Variants in PTPN14 observed in about 807,000 individuals in gnomAD.
PTPN14 encodes the protein tyrosine-protein phosphatase non-receptor type 14.
Under a neutral mutation model 126.8 loss-of-function variants are expected in PTPN14, and 53 were observed. The observed-to-expected ratio is 0.42, with a 90% confidence interval of 0.34 to 0.53. The LOEUF is 0.53. Ranked by LOEUF, PTPN14 falls within the 20% of genes least tolerant of loss-of-function variation. PTPN14 has a pLI of 0.08. For synonymous variants in PTPN14, 630 were observed against 599.3 expected (o/e 1.05, Z -0.75); for missense variants, 1,257 against 1,552.9 (o/e 0.81, Z 3.20).
chr1:214,437,208 T>TA (rs1659940668), intron 3 of PTPN14, among the ~76,000 whole-genome samples: 1 of 151,250 alleles, frequency 6.6e-6, no homozygotes, highest in African/African-American at 2.4e-5. Context: ...ATCTTACACT[T>TA]ACCTAAATGC....
rs544819253 is a variant in PTPN14, at chr1:214,461,666, C to A, written c.174+2964G>T. ...AAAAAAAAGATTAAATATATTTTGG[C>A]TGGGTGTGTGGCTCACACCTGTAAT... On this transcript the variant is annotated intron_variant, in intron 2 of 18. Transcript: ENST00000366956. Among the ~76,000 whole-genome samples, 16 of 150,860 alleles carry A rather than the reference C, an allele frequency of 1.1e-4. No individual in the cohort carries two copies. In the South Asian group the frequency reaches 3.2e-3, roughly 30 times the overall value.
chr1:214,481,048 A>G (rs1207358764), intron 1 of PTPN14, among the ~76,000 whole-genome samples: 1 of 152,210 alleles, frequency 6.6e-6, no homozygotes, highest in Non-Finnish European at 1.5e-5. Context: ...CGTGTCAAGT[A>G]AAAAAGGAGA....
chr1:214,423,896 G>A (rs566526639), intron 3 of PTPN14, among the ~76,000 whole-genome samples: 4 of 152,106 alleles, frequency 2.6e-5, no homozygotes, highest in South Asian at 2.1e-4. Context: ...CAGAAAAATC[G>A]CTTGAACCTG....
intron 1 of PTPN14, chr1:214,483,053 T>A (rs1661032747): frequency 6.2e-7 from 1 of 1,609,392 alleles, no homozygotes. Flanking sequence ...CTTGTCTACA[T>A]GGAAAATCAA....
chr1:214,459,390 C>A (rs1212152332), intron 2 of PTPN14, among the ~76,000 whole-genome samples: 2 of 151,402 alleles, frequency 1.3e-5, no homozygotes, highest in Non-Finnish European at 2.9e-5. Context: ...TGACTTCAGG[C>A]GATCTGCCCG....
intron 3 of PTPN14, among the ~76,000 whole-genome samples, chr1:214,442,062 T>C (rs536817700): frequency 7.9e-5 from 12 of 152,328 alleles, no homozygotes; most frequent in African/African-American, 2.4e-4. Flanking sequence ...AATAGCTCAA[T>C]AGCACATTAT....
At chr1:214,391,151 A>G in intron 10 of PTPN14, 106 bp from the exon 11 acceptor site, 3 of 682,166 alleles carry the variant, frequency 4.4e-6, no homozygotes, top group Non-Finnish European at 6.6e-6. Context: ...GGTAATCGTT[A>G]TATCAAAACA....
intron 1 of PTPN14, among the ~76,000 whole-genome samples, chr1:214,504,966 C>T (rs950181066): frequency 6.6e-6 from 1 of 152,054 alleles, no homozygotes; most frequent in African/African-American, 2.4e-5. Context: ...AGGTGACACC[C>T]TCACCAAGGT....
At position 214,484,493 on chromosome 1, in the gene PTPN14, C is replaced by G. The variant is rs1279610240; in HGVS notation, c.-154-19536G>C. ...TAAAGTGGTAAAATGCAGGTGTTCC[C>G]ATTTTTTCCCCAACTGAAAAATCGC... On this transcript the variant is annotated intron_variant, in intron 1 of 18. Transcript: ENST00000366956. Among the ~76,000 whole-genome samples, 5 of 152,228 alleles carry G rather than the reference C, an allele frequency of 3.3e-5. No individual in the cohort carries two copies. In the East Asian group the frequency reaches 9.7e-4, roughly 29 times the overall value.
At position 214,439,053 on chromosome 1, in the gene PTPN14, C is replaced by A. The variant is rs531294630; in HGVS notation, c.344+12752G>T. ...GTTCTCCTTCTTTTTCCTTTTTTTC[C>A]CCCTACTTCCCACATTAATGTATGT... On this transcript the variant is annotated intron_variant, in intron 3 of 18. Coordinates refer to ENST00000366956, the MANE Select transcript of PTPN14 (RefSeq NM_005401.5). 3.7e-4 allele frequency among the ~76,000 whole-genome samples: 56 copies of A among 152,172 alleles called. No homozygotes were observed. The Middle Eastern group carries it at 0.017, about 46-fold the overall frequency.
At chr1:214,393,597 A>G (rs1166276295) in intron 10 of PTPN14, 98 bp downstream of exon 10, 7 of 1,003,280 alleles carry the variant, frequency 7.0e-6, no homozygotes, top group African/African-American at 1.6e-5. Context: ...GGAACAAGGA[A>G]AAAGAGTGAA....
rs540694095 is a variant in PTPN14, at chr1:214,504,202, G to A, written c.-154-39245C>T. On this transcript the variant is annotated intron_variant, in intron 1 of 18. Coordinates refer to ENST00000366956, the MANE Select transcript of PTPN14 (RefSeq NM_005401.5). ...GCCTCTCCGTTAGCCCTACCTCTGC[G>A]AAGACCTTTATATTACACTCGAGGA... Among the ~76,000 whole-genome samples, 200 of 152,200 alleles carry A rather than the reference G, an allele frequency of 1.3e-3. 1 individual carries two copies. The highest frequency in any genetic ancestry group is 4.6e-3 in the African/African-American group (192 of 41,518).
At chr1:214,518,980 C>T (rs1249585299) in intron 1 of PTPN14, among the ~76,000 whole-genome samples, 1 of 151,992 alleles carries the variant, frequency 6.6e-6, no homozygotes, top group African/African-American at 2.4e-5. Context: ...AAGAACAAAA[C>T]GAAACAGGCC....
chr1:214,541,267 G>A (rs1655828450), intron 1 of PTPN14, among the ~76,000 whole-genome samples: 2 of 152,118 alleles, frequency 1.3e-5, no homozygotes, highest in South Asian at 2.1e-4. Flanking sequence ...TGCAGTGGGG[G>A]CAGAAAGTAA....
intron 3 of PTPN14, among the ~76,000 whole-genome samples, chr1:214,438,028 G>A (rs1659958188): frequency 6.6e-6 from 1 of 152,178 alleles, no homozygotes; most frequent in Non-Finnish European, 1.5e-5. Flanking sequence ...CACACTCAAA[G>A]AACCAACAGG....
intron 3 of PTPN14, among the ~76,000 whole-genome samples, chr1:214,433,962 A>C (rs879943737): frequency 0.36 from 47,829 of 134,612 alleles, 8,700 homozygotes; most frequent in Non-Finnish European, 0.44. Flanking sequence ...AAAAAAAAAA[A>C]AAAAAAAAAA....
At chr1:214,500,308 A>G (rs1030388494) in intron 1 of PTPN14, among the ~76,000 whole-genome samples, 4 of 151,572 alleles carry the variant, frequency 2.6e-5, no homozygotes, top group African/African-American at 9.7e-5. Context: ...TCTTAATTAG[A>G]AGGAGCCAGA....
chr1:214,363,850 G>A (rs189078881), intron 18 of PTPN14, among the ~76,000 whole-genome samples: 25 of 152,290 alleles, frequency 1.6e-4, no homozygotes, highest in Admixed American at 7.8e-4. Flanking sequence ...AAAATTGAAA[G>A]TCTCTCAGTG....
chr1:214,422,976 G>A (rs968400968), intron 3 of PTPN14, among the ~76,000 whole-genome samples: 1 of 152,098 alleles, frequency 6.6e-6, no homozygotes, highest in African/African-American at 2.4e-5. Flanking sequence ...TATATCCCTC[G>A]AGACTATGAC....
Sources: gnomAD v4.1 joint callset for allele counts (sites outside exome capture counted in the v4.1 genomes callset) on GRCh38, gnomAD v4.1.1 for gene constraint, MANE v1.5 for transcripts, NCBI Gene and HGNC (gene_info 2026-07-23, HGNC 2026-07-21) for gene names.